COL28A1: variants seen among roughly 807,000 people sequenced by gnomAD.
The protein encoded by COL28A1 is collagen type XXVIII alpha 1 chain.
A neutral mutation model predicts 150.2 loss-of-function variants in COL28A1; 161 were observed. That is an observed-to-expected ratio of 1.07 (90% CI 0.94 to 1.22). The LOEUF (loss-of-function observed/expected upper bound fraction) is 1.22, where lower values mean the gene tolerates loss of function less well. Ranked by LOEUF, COL28A1 falls within the 50% of genes most tolerant of loss-of-function variation. The probability of loss-of-function intolerance (pLI) is 0.00; values close to 1 mark genes in which losing one functional copy is unlikely to be tolerated. For missense variants in COL28A1, 1,617 were observed against 1,388.3 expected (o/e 1.16, Z -2.62); for synonymous variants, 552 against 469.7 (o/e 1.18, Z -2.26).
At chr7:7,502,620 T>C (rs1285046818) in intron 11 of COL28A1, among the ~76,000 whole-genome samples, 4 of 152,202 alleles carry the variant, frequency 2.6e-5, no homozygotes, top group African/African-American at 9.6e-5. Flanking sequence ...TTTTAAGGTC[T>C]TATATGAAAT....
Position 7,373,672 on chromosome 7 carries a change from G to A in COL28A1, c.2360-126C>T. The A allele has an allele frequency of 2.7e-6, 2 of 730,852 alleles. No individual in the cohort carries two copies. The highest frequency in any genetic ancestry group is 1.9e-5 in the South Asian group (1 of 53,014). The allele number at this position is 730,852 out of a possible 1,614,324, so 45.3% of individuals were successfully genotyped here. A position where few individuals can be genotyped will look rare whatever the true frequency, so the allele number is the denominator to read the frequency against. The stretch of plus-strand genomic sequence containing the variant: ...TATTCTCTTCCTTTTCTGTGATTGT[G>A]AAAATACCTGACAGCTGTCTCCATT... On this transcript the variant is annotated intron_variant, in intron 31 of 34. Coordinates refer to ENST00000399429, the MANE Select transcript of COL28A1 (RefSeq NM_001037763.3). This position sits in a 1 kb window ranked among gnomAD's most constrained non-coding sequence, Gnocchi z 4.1.
intron 19 of COL28A1, among the ~76,000 whole-genome samples, chr7:7,444,127 G>T (rs1786054552): frequency 6.6e-6 from 1 of 151,778 alleles, no homozygotes; most frequent in Non-Finnish European, 1.5e-5. Context: ...GAGGCGGGGG[G>T]AGTGGCTTTC....
intron 13 of COL28A1, among the ~76,000 whole-genome samples, chr7:7,478,671 G>C (rs943174157): frequency 6.6e-6 from 1 of 152,382 alleles, no homozygotes; most frequent in South Asian, 2.1e-4. Context: ...GCAGTCTGCA[G>C]GTCCCAAGCC....
At chr7:7,377,462 A>G (rs779729891) in intron 30 of COL28A1, among the ~76,000 whole-genome samples, 2 of 152,184 alleles carry the variant, frequency 1.3e-5, no homozygotes, top group Admixed American at 1.3e-4. Flanking sequence ...TTCCTGGGGC[A>G]GGAAACTGAG....
At chr7:7,473,941 T>C (rs1300931907) in intron 15 of COL28A1, among the ~76,000 whole-genome samples, 1 of 149,332 alleles carries the variant, frequency 6.7e-6, no homozygotes, top group Non-Finnish European at 1.5e-5. Context: ...GGAATATATA[T>C]ACTGTATACT....
intron 25 of COL28A1, among the ~76,000 whole-genome samples, chr7:7,421,322 T>C (rs1024659575): frequency 6.6e-6 from 1 of 152,314 alleles, no homozygotes; most frequent in African/African-American, 2.4e-5. Flanking sequence ...TAACTATAAA[T>C]GGTCGTGAGG....
chr7:7,517,890 T>G, intron 6 of COL28A1, 53 bp from the exon 7 acceptor site: 5 of 1,610,860 alleles, frequency 3.1e-6, no homozygotes, highest in Non-Finnish European at 4.2e-6. Flanking sequence ...AGTGACTGAT[T>G]GCTCAATAAA....
chr7:7,530,166 G>A (rs550118379), intron 3 of COL28A1, among the ~76,000 whole-genome samples: 3 of 152,070 alleles, frequency 2.0e-5, no homozygotes, highest in South Asian at 2.1e-4. Flanking sequence ...GGTCTTCACC[G>A]GCCTTAAATT....
At chr7:7,420,118 C>T in intron 25 of COL28A1, 165 bp from the exon 26 acceptor site, 1 of 413,014 alleles carries the variant, frequency 2.4e-6, no homozygotes, top group Non-Finnish European at 4.3e-6. Context: ...ATCTTCAAAC[C>T]AACAGATCCA....
chr7:7,489,361 C>G (rs552152436), intron 13 of COL28A1, 28 bp downstream of exon 13: 1 of 958,318 alleles, frequency 1.0e-6, no homozygotes, highest in Admixed American at 1.7e-5. Flanking sequence ...TTGTCCTTTT[C>G]ATTCCATCTA....
At chr7:7,396,486 A>T (rs1163045907) in intron 27 of COL28A1, among the ~76,000 whole-genome samples, 2 of 152,222 alleles carry the variant, frequency 1.3e-5, no homozygotes, top group African/African-American at 4.8e-5. Flanking sequence ...CTTGATAATC[A>T]GCAGCTTCCA....
At chr7:7,497,085 G>GGAAC (rs1180105430) in intron 11 of COL28A1, among the ~76,000 whole-genome samples, 3 of 133,258 alleles carry the variant, frequency 2.3e-5, no homozygotes, top group African/African-American at 9.1e-5. Flanking sequence ...AAGGAAGAAA[G>GGAAC]GAAGGAAGAA....
chr7:7,436,421 G>C lies in COL28A1; in HGVS notation c.1834C>G (p.Pro612Ala). ...TTTGGTCCTCGAATAGAAAGTCCAG[G>C]TTCTCCCTTAAATCCAGGTATCCCA... ...GPGIPGFKGE[P>A]GLSIRGPKGV... Residue 612 changes from proline to alanine, a missense_variant, in exon 23 of 35, where the codon CCT becomes GCT. Physicochemically the swap from Pro to Ala is conservative, Grantham distance 27. Coordinates refer to ENST00000399429, the MANE Select transcript of COL28A1 (RefSeq NM_001037763.3). The C allele has an allele frequency of 6.9e-7, 1 of 1,440,432 alleles. No homozygotes were observed. The highest frequency in any genetic ancestry group is 9.8e-7 in the Non-Finnish European group (1 of 1,021,338). The allele number at this position is 1,440,432 out of a possible 1,614,324, so 89.2% of individuals were successfully genotyped here. A position where few individuals can be genotyped will look rare whatever the true frequency, so the allele number is the denominator to read the frequency against.
At chr7:7,394,389 C>G (rs1335073410) in intron 27 of COL28A1, among the ~76,000 whole-genome samples, 1 of 152,150 alleles carries the variant, frequency 6.6e-6, no homozygotes. Context: ...AGCCATCTTG[C>G]CAGCCTGCAA....
Position 7,365,924 on chromosome 7 carries a change from T to C in COL28A1, c.3066+4801A>G, listed in dbSNP as rs115865063. ...CTCAAATACTTAAACTGAAGGTTAC[T>C]TATTTGCATTTTAAAGTTACTGGGG... On this transcript the variant is annotated intron_variant, in intron 33 of 34. Coordinates refer to ENST00000399429, the MANE Select transcript of COL28A1 (RefSeq NM_001037763.3). Among the ~76,000 whole-genome samples, 1,413 of 152,288 alleles carry C rather than the reference T, an allele frequency of 9.3e-3. 23 individuals carry two copies. Among genetic ancestry groups the C allele is most frequent in the African/African-American group, 0.032 (1,347 of 41,550 alleles).
chr7:7,440,822 G>A lies in COL28A1; in HGVS notation c.1690C>T (p.Gln564Ter). Residue 564 changes from glutamine to a stop codon, truncating the protein, a stop_gained, in exon 21 of 35, where the codon CAG (glutamine) becomes TAG (stop). Transcript: ENST00000399429. LOFTEE classifies it high-confidence loss of function. ...GKKGSKGNQG[Q>*]RGLPGPEGPK... is the part of the protein sequence containing the mutation. Reference sequence around the variant, plus strand: ...CCTTCGGGCCCTGGAAGTCCCCTCTGTCCTTGATTTCCTTTGCTCCCTTTC... The same window carrying A: ...CCTTCGGGCCCTGGAAGTCCCCTCTATCCTTGATTTCCTTTGCTCCCTTTC... The A allele has an allele frequency of 6.5e-7, 1 of 1,550,076 alleles. No homozygotes were observed. The highest frequency in any genetic ancestry group is 1.1e-5 in the South Asian group (1 of 89,110).
the COL28A1 span, among the ~76,000 whole-genome samples, chr7:7,340,756 C>A: frequency 6.6e-6 from 1 of 152,156 alleles, no homozygotes; most frequent in East Asian, 1.9e-4. Context: ...GACATACAGA[C>A]GACATATCCT....
intron 15 of COL28A1, among the ~76,000 whole-genome samples, chr7:7,465,016 A>C (rs1787947779): frequency 6.6e-6 from 1 of 152,242 alleles, no homozygotes; most frequent in African/African-American, 2.4e-5. Context: ...AGATCATTCA[A>C]GGCTACTATG....
chr7:7,539,901 T>C (rs536015083), upstream of COL28A1, among the ~76,000 whole-genome samples: 4 of 152,326 alleles, frequency 2.6e-5, no homozygotes, highest in East Asian at 7.7e-4. Flanking sequence ...TGAATAATTG[T>C]GTCACATTTG....
Sources: allele counts gnomAD v4.1 joint callset (sites outside exome capture counted in the v4.1 genomes callset), GRCh38; gene constraint gnomAD v4.1.1; non-coding constraint Gnocchi (gnomAD v3.1); transcripts MANE v1.5; gene names NCBI Gene and HGNC (gene_info 2026-07-23, HGNC 2026-07-21).